Variants in PRC1 observed in about 807,000 individuals in gnomAD.
PRC1 encodes the protein anaphase spindle elongation 1 homolog.
PRC1 carries 54 observed loss-of-function variants against 91.2 expected under a neutral mutation model. That is an observed-to-expected ratio of 0.59 (90% CI 0.48 to 0.74). PRC1 has a LOEUF of 0.74. PRC1 is among the 30% of genes least tolerant of loss of function. The probability of loss-of-function intolerance (pLI) is 0.00; values close to 1 mark genes in which losing one functional copy is unlikely to be tolerated. For synonymous variants in PRC1, 275 were observed against 263.6 expected, an observed-to-expected ratio of 1.04 and a Z score of -0.42; for missense variants, 727 against 746.2, an observed-to-expected ratio of 0.97 and a Z score of 0.30.
intron 13 of PRC1, 63 bp from the exon 14 acceptor site, chr15:90,969,183 A>G: frequency 1.3e-6 from 2 of 1,530,988 alleles, no homozygotes; most frequent in Non-Finnish European, 1.8e-6. Context: ...GGACAGTGAT[A>G]GAGGGGTTGC....
intron 14 of PRC1, chr15:90,968,399 G>A (rs971762714): frequency 3.9e-5 from 38 of 985,446 alleles, no homozygotes; most frequent in Non-Finnish European, 4.2e-5. Context: ...CAGGCTAGGG[G>A]TTTAACTCAA....
intron 1 of PRC1, chr15:90,987,934 G>A (rs972132335): frequency 6.6e-6 from 1 of 152,132 alleles, no homozygotes; most frequent in Admixed American, 6.5e-5. Context: ...CCTTGTTGAA[G>A]AAACATTTCT....
Position 90,966,139 on chromosome 15 carries a change from A to G in PRC1, c.*992T>C, listed in dbSNP as rs2037467931. ...TGTATGAGTAAACAGCGTGGCTAAC[A>G]CCAAGTCCACACTGGTAAGCTTTTG... On this transcript the variant is annotated 3_prime_UTR_variant, in exon 15 of 15. Coordinates refer to ENST00000394249, the MANE Select transcript of PRC1 (RefSeq NM_003981.4). 1 of 157,280 alleles carries G rather than the reference A, an allele frequency of 6.4e-6. No individual in the cohort carries two copies. Among genetic ancestry groups the G allele is most frequent in the Non-Finnish European group, 1.4e-5 (1 of 70,990 alleles). 9.7% of individuals were successfully genotyped at this position (157,280 alleles called of 1,614,324 possible).
intron 1 of PRC1, among the ~76,000 whole-genome samples, chr15:90,990,774 GTTTC>G (rs1333545253): frequency 8.6e-5 from 13 of 151,656 alleles, no homozygotes; most frequent in African/African-American, 2.9e-4. Context: ...AACATTTTTG[GTTTC>G]TTTTTTTTTT....
chr15:90,981,101 C>T (rs369257895), intron 5 of PRC1, 68 bp from the exon 6 acceptor site: 30 of 1,579,316 alleles, frequency 1.9e-5, no homozygotes, highest in Admixed American at 7.0e-5. Context: ...TCTAGCCTCC[C>T]GCAAAGAAAT....
intron 8 of PRC1, among the ~76,000 whole-genome samples, chr15:90,977,588 T>TG (rs1286265271): frequency 7.6e-5 from 11 of 144,764 alleles, no homozygotes; most frequent in African/African-American, 2.8e-4. Context: ...TTTTTTTTTT[T>TG]TTTTTTTTTT....
At chr15:90,990,915 A>C (rs1477245200) in intron 1 of PRC1, among the ~76,000 whole-genome samples, 6 of 151,568 alleles carry the variant, frequency 4.0e-5, no homozygotes, top group Admixed American at 3.9e-4. Context: ...AGTAGCTGGG[A>C]CTACAGGCAC....
Position 90,984,093 on chromosome 15 carries a change from T to C in PRC1, c.192A>G (p.Arg64=), listed in dbSNP as rs1262506340. The stretch of plus-strand genomic sequence containing the variant: ...GACAGACGGATATGCTTTTGATGAG[T>C]CTTTCCTTCAGGCTTTCCTCTTCAG... ...MIAEEESLKE[R]LIKSISVCQK... is the part of the protein sequence containing the mutation. The change falls in exon 3 of 15, where the codon AGA becomes AGG. Residue 64 remains arginine, a synonymous_variant. Coordinates refer to ENST00000394249, the MANE Select transcript of PRC1 (RefSeq NM_003981.4). This position sits in a 1 kb window ranked among gnomAD's most constrained non-coding sequence, Gnocchi z 5.1. 1.2e-6 allele frequency: 2 copies of C among 1,614,056 alleles called. No homozygotes were observed. Among genetic ancestry groups the C allele is most frequent in the Middle Eastern group, 1.6e-4 (1 of 6,062 alleles).
At chr15:90,971,894 G>A (rs1276653196) in intron 11 of PRC1, among the ~76,000 whole-genome samples, 4 of 152,044 alleles carry the variant, frequency 2.6e-5, no homozygotes, top group Non-Finnish European at 4.4e-5. Context: ...TGGGCATAGT[G>A]GCGCGGGCCT....
chr15:90,968,121 A>C, intron 14 of PRC1: 8 of 985,430 alleles, frequency 8.1e-6, no homozygotes, highest in Non-Finnish European at 9.6e-6. Flanking sequence ...AACCAGACGA[A>C]CCTACCTAGG....
At chr15:90,968,046 A>G (rs2037685293) in intron 14 of PRC1, 1 of 985,330 alleles carries the variant, frequency 1.0e-6, no homozygotes, top group Non-Finnish European at 1.2e-6. Flanking sequence ...AAAGACAGAT[A>G]TTAGCAGAGG....
rs747492479 is a variant in PRC1 at position 90,969,492 on chromosome 15, G to A, written c.1704C>T (p.Arg568=). The change falls in exon 13 of 15, where the codon CGC becomes CGT. Residue 568 remains arginine, a synonymous_variant. Transcript: ENST00000394249. ...GGYPGSAPLQ[R]NFSINSVAST... ...TGGCAACAGAATTAATGCTGAAGTT[G>A]CGCTGGAGGGGGGCCGAGCCAGGGT... 3 of 1,611,958 alleles carry A rather than the reference G, an allele frequency of 1.9e-6. No individual in the cohort carries two copies. The highest frequency in any genetic ancestry group is 2.5e-6 in the Non-Finnish European group (3 of 1,179,078).
rs140821558 is a variant in PRC1, at chr15:90,984,409, A to T, written c.145-269T>A. ...ATGCCCGGCTAATTTTTTTATTTTT[A>T]GTAGAGACGGAGGTTCACCATGTTG... On this transcript the variant is annotated intron_variant, in intron 2 of 14. Transcript: ENST00000394249. The surrounding 1 kb of genome is among the most constrained non-coding windows in gnomAD (Gnocchi z 5.1). Among the ~76,000 whole-genome samples the T allele has an allele frequency of 3.6e-3, 546 of 152,116 alleles. No individual in the cohort carries two copies. The highest frequency in any genetic ancestry group is 0.012 in the African/African-American group (518 of 41,492).
intron 1 of PRC1, among the ~76,000 whole-genome samples, chr15:90,993,346 G>C (rs978298260): frequency 2.8e-4 from 43 of 151,802 alleles, no homozygotes; most frequent in African/African-American, 1.0e-3. Context: ...AAAGCTGGGG[G>C]TACAGGCGCG....
Position 90,970,461 on chromosome 15 carries a change from G to A in PRC1, c.1515C>T (p.Ile505=). The A allele has an allele frequency of 6.2e-7, 1 of 1,613,976 alleles. No homozygotes were observed. The highest frequency in any genetic ancestry group is 1.1e-5 in the South Asian group (1 of 91,074). Residue 505 remains isoleucine, a synonymous_variant, in exon 12 of 15, where the codon ATC becomes ATT. Coordinates refer to ENST00000394249, the MANE Select transcript of PRC1 (RefSeq NM_003981.4). ...GGGAGTGGTAGACTGTCCCTCCAAA[G>A]ATAGGCCGAATGCTACTATTGGCCG... ...NATANSSIRP[I]FGGTVYHSPV... is the part of the protein sequence containing the mutation.
rs770191686 is a variant in PRC1 at position 90,967,166 on chromosome 15, A to C, written c.1828T>G (p.Ser610Ala). 1.9e-6 allele frequency: 3 copies of C among 1,614,170 alleles called. No individual in the cohort carries two copies. The South Asian group carries it at 3.3e-5, about 18-fold the overall frequency. The change falls in exon 15 of 15, where the codon TCT (serine) becomes GCT (alanine). Residue 610 changes from serine (S) to alanine (A), a missense_variant. Physicochemically the swap from Ser to Ala is moderately conservative, Grantham distance 99. Transcript: ENST00000394249. ...LSKASKSDATSGILNSTNIQS is the reference protein window; with the variant it reads ...LSKASKSDATAGILNSTNIQS ...ATGTTGGTTGAATTGAGGATTCCAG[A>C]AGTAGCATCAGATTTGGAAGCCTTT...
At position 90,974,486 on chromosome 15, in the gene PRC1, G is replaced by A. The variant is rs149367359; in HGVS notation, c.1350+99C>T. ...TCCCGTTCCACAAGCCCCGGTCCCCGGCTCCCTGTTCCACAAACCCTGGTC... is the reference window on the plus strand; with the variant it reads ...TCCCGTTCCACAAGCCCCGGTCCCCAGCTCCCTGTTCCACAAACCCTGGTC... On this transcript the variant is annotated intron_variant, in intron 10 of 14. Transcript: ENST00000394249. This position sits in a 1 kb window ranked among gnomAD's most constrained non-coding sequence, Gnocchi z 4.6. 1,243 of 1,525,458 alleles carry A rather than the reference G, an allele frequency of 8.1e-4. 14 individuals are homozygous for A. The African/African-American group carries it at 0.014, about 17-fold the overall frequency. The allele number at this position is 1,525,458 out of a possible 1,614,324, so 94.5% of individuals were successfully genotyped here.
chr15:90,968,174 A>G, intron 14 of PRC1: 2 of 985,450 alleles, frequency 2.0e-6, no homozygotes, highest in Non-Finnish European at 2.4e-6. Context: ...CCTCAGATAA[A>G]ATGGGCCTTG....
intron 14 of PRC1, 39 bp from the exon 15 acceptor site, chr15:90,967,241 C>T: frequency 6.5e-7 from 1 of 1,531,660 alleles, no homozygotes; most frequent in Non-Finnish European, 9.1e-7. Flanking sequence ...CATACTGCCT[C>T]TCTTACACAT....
Sources: gnomAD v4.1 joint callset for allele counts (sites outside exome capture counted in the v4.1 genomes callset) on GRCh38, gnomAD v4.1.1 for gene constraint, Gnocchi (gnomAD v3.1) non-coding constraint, MANE v1.5 for transcripts, NCBI Gene and HGNC (gene_info 2026-07-23, HGNC 2026-07-21) for gene names.